The following DYDC2 variants were observed in gnomAD, a reference collection of about 807,000 sequenced individuals.
DYDC2 encodes the protein DPY30 domain-containing protein 2.
Under a neutral mutation model 18.7 loss-of-function variants are expected in DYDC2, and 19 were observed. The observed-to-expected ratio is 1.02, with a 90% confidence interval of 0.71 to 1.49. The LOEUF (loss-of-function observed/expected upper bound fraction) is 1.49, where lower values mean the gene tolerates loss of function less well. DYDC2 is among the 40% of genes most tolerant of loss of function. DYDC2 has a pLI of 0.00. For synonymous variants in DYDC2, 63 were observed against 67.6 expected (o/e 0.93, Z 0.34); for missense variants, 179 against 205.1 (o/e 0.87, Z 0.78).
chr10:80,362,298 T>A, intron 2 of DYDC2, 137 bp from the exon 3 acceptor site: 1 of 1,246,710 alleles, frequency 8.0e-7, no homozygotes, highest in Non-Finnish European at 1.1e-6. Context: ...AAGTGTTTGT[T>A]GGTTCTTTTG....
At chr10:80,352,121 T>G (rs1409120057), upstream of DYDC2, 4 of 884,324 alleles carry the variant, frequency 4.5e-6, no homozygotes, top group Non-Finnish European at 5.3e-6. Flanking sequence ...TTATAGCCCA[T>G]CCCTGTGGAA....
chr10:80,360,599 T>G (rs1843634936), intron 2 of DYDC2, among the ~76,000 whole-genome samples: 1 of 152,200 alleles, frequency 6.6e-6, no homozygotes, highest in Non-Finnish European at 1.5e-5. Context: ...GAGCCATTAT[T>G]CAGCCCTAGA....
At chr10:80,347,693 C>T (rs1432402755) in intron 1 of DYDC2, among the ~76,000 whole-genome samples, 2 of 152,132 alleles carry the variant, frequency 1.3e-5, no homozygotes, top group Non-Finnish European at 2.9e-5. Context: ...GTCCCAACAC[C>T]GTTCATTGAA....
At chr10:80,354,165 G>A (rs985736761), upstream of DYDC2, among the ~76,000 whole-genome samples, 7 of 149,856 alleles carry the variant, frequency 4.7e-5, no homozygotes, top group Non-Finnish European at 1.0e-4. Flanking sequence ...AGAATCTGAT[G>A]AAATGTAATC....
upstream of DYDC2, chr10:80,352,107 C>A: frequency 1.0e-6 from 1 of 994,592 alleles, no homozygotes; most frequent in South Asian, 1.5e-5. Flanking sequence ...AAGTGTTAAG[C>A]AAATTATAGC....
chr10:80,351,318 A>C (rs996753579), intron 1 of DYDC2, among the ~76,000 whole-genome samples: 1 of 152,048 alleles, frequency 6.6e-6, no homozygotes, highest in Non-Finnish European at 1.5e-5. Flanking sequence ...TCTCATCTCC[A>C]TGGTGAGCTG....
rs1843711438 is a variant in DYDC2 at position 80,363,039 on chromosome 10, A to G, written c.236A>G (p.Tyr79Cys). 14 of 1,613,890 alleles carry G rather than the reference A, an allele frequency of 8.7e-6. No individual in the cohort carries two copies. Among genetic ancestry groups the G allele is most frequent in the Non-Finnish European group, 1.2e-5 (14 of 1,179,986 alleles). ...EMTEMLKQEE[Y>C]QIQQNCEKCH... ...ACAGAAATGCTGAAACAGGAAGAGT[A>G]TCAGATTCAACAGAACTGTGAAAAG... The change falls in exon 4 of 5, where the codon TAT becomes TGT. Residue 79 changes from tyrosine to cysteine, a missense_variant. Tyr to Cys is a radical substitution (Grantham distance 194). Coordinates refer to ENST00000256039, the MANE Select transcript of DYDC2 (RefSeq NM_032372.6).
At chr10:80,356,318 AG>A, upstream of DYDC2, 1 of 985,616 alleles carries the variant, frequency 1.0e-6, no homozygotes, top group Non-Finnish European at 1.2e-6. Flanking sequence ...TCCAGCGTGA[AG>A]AAGGTGCCAC....
chr10:80,353,583 G>C (rs975812757), upstream of DYDC2, among the ~76,000 whole-genome samples: 6 of 151,276 alleles, frequency 4.0e-5, no homozygotes, highest in African/African-American at 1.5e-4. Flanking sequence ...TGGGCACAGT[G>C]GCTCACGCCT....
At chr10:80,353,169 A>G (rs891441285), upstream of DYDC2, among the ~76,000 whole-genome samples, 2 of 152,140 alleles carry the variant, frequency 1.3e-5, no homozygotes, top group South Asian at 4.1e-4. Context: ...AAAATCCATA[A>G]ATTTCCAAGG....
intron 4 of DYDC2, among the ~76,000 whole-genome samples, chr10:80,363,611 G>C (rs1843735416): frequency 6.6e-6 from 1 of 150,900 alleles, no homozygotes; most frequent in Non-Finnish European, 1.5e-5. Context: ...GCCTCCCAAA[G>C]TGCTGGGATT....
intron 2 of DYDC2, 145 bp from the exon 3 acceptor site, chr10:80,362,290 G>C: frequency 1.7e-6 from 2 of 1,167,292 alleles, no homozygotes; most frequent in Admixed American, 5.6e-5. Flanking sequence ...CAGCAAGTAA[G>C]TGTTTGTTGG....
At chr10:80,356,406 G>A (rs1040166589), upstream of DYDC2, 2 of 985,588 alleles carry the variant, frequency 2.0e-6, no homozygotes, top group Non-Finnish European at 2.4e-6. Context: ...GGGGGCACCC[G>A]GGCAGGGGTG....
chr10:80,367,287 AAAGAG>A lies in DYDC2; in HGVS notation c.*339_*343del. 5.3e-6 allele frequency: 1 copy of A among 189,118 alleles called. No individual in the cohort carries two copies. Among genetic ancestry groups the A allele is most frequent in the Non-Finnish European group, 1.1e-5 (1 of 92,696 alleles). The allele number at this position is 189,118 out of a possible 1,614,324, so 11.7% of individuals were successfully genotyped here. The stretch of plus-strand genomic sequence containing the variant: ...CTACAAAGTCCAGCCGAGTCAAAGG[AAAGAG>A]AAAAGACAAGTCAAGAGAGAAAGTG... On this transcript the variant is annotated 3_prime_UTR_variant, in exon 5 of 5. Transcript: ENST00000256039.
chr10:80,357,529 C>T (rs1171340995), intron 1 of DYDC2, among the ~76,000 whole-genome samples: 3 of 152,038 alleles, frequency 2.0e-5, no homozygotes, highest in East Asian at 3.9e-4. Context: ...CTTCCAGAGT[C>T]CCTGGAAGAC....
At chr10:80,365,395 G>GTAAACCA (rs1843796333) in intron 4 of DYDC2, among the ~76,000 whole-genome samples, 1 of 152,200 alleles carries the variant, frequency 6.6e-6, no homozygotes, top group Non-Finnish European at 1.5e-5. Flanking sequence ...GCAGCTTTAA[G>GTAAACCA]TAAACCATAA....
intron 1 of DYDC2, among the ~76,000 whole-genome samples, chr10:80,350,108 C>A (rs1842897898): frequency 6.6e-6 from 1 of 151,752 alleles, no homozygotes; most frequent in Non-Finnish European, 1.5e-5. Flanking sequence ...TCTCTCCTAT[C>A]TATTTCTGCA....
intron 1 of DYDC2, 110 bp from the exon 2 acceptor site, chr10:80,357,783 T>C: frequency 3.0e-6 from 3 of 985,564 alleles, no homozygotes; most frequent in African/African-American, 3.5e-5. Flanking sequence ...GAGGCCTTAA[T>C]AGATGTTAGT....
At chr10:80,358,961 C>T (rs1283189123) in intron 2 of DYDC2, among the ~76,000 whole-genome samples, 2 of 152,180 alleles carry the variant, frequency 1.3e-5, no homozygotes, top group African/African-American at 4.8e-5. Flanking sequence ...TGTTACAGCT[C>T]ATAAAGGCAG....
Sources: allele counts gnomAD v4.1 joint callset (sites outside exome capture counted in the v4.1 genomes callset), GRCh38; gene constraint gnomAD v4.1.1; transcripts MANE v1.5; gene names NCBI Gene and HGNC (gene_info 2026-07-23, HGNC 2026-07-21).